The following MEGF11 variants were observed in gnomAD, a reference collection of about 807,000 sequenced individuals.
MEGF11 encodes the protein multiple EGF like domains 11, also known as multiple epidermal growth factor-like domains protein 11.
In MEGF11, 126 loss-of-function variants were observed where a neutral mutation model predicts 146.6. That is an observed-to-expected ratio of 0.86 (90% CI 0.74 to 1.00). The LOEUF (loss-of-function observed/expected upper bound fraction) is 1.00. MEGF11 is among the 50% of genes least tolerant of loss of function. The pLI is 0.00. For synonymous variants in MEGF11, 532 were observed against 583.4 expected, an observed-to-expected ratio of 0.91 and a Z score of 1.27; for missense variants, 1,509 against 1,521.2, an observed-to-expected ratio of 0.99 and a Z score of 0.13.
At position 66,004,400 on chromosome 15, in the gene MEGF11, G is replaced by C. The variant is rs1380669430; in HGVS notation, c.395-21912C>G. Among the ~76,000 whole-genome samples the C allele has an allele frequency of 2.8e-5, 4 of 141,088 alleles. No individual in the cohort carries two copies. In the Admixed American group the frequency reaches 3.0e-4, roughly 11 times the overall value. 92.6% of individuals were successfully genotyped at this position (141,088 alleles called of 152,430 possible). Reference sequence around the variant, plus strand: ...TAATTCAACCAGGGAGGGGCACAGAGGGGGGGCTTCAAGTATTTTTGTAAT... The same window carrying C: ...TAATTCAACCAGGGAGGGGCACAGACGGGGGGCTTCAAGTATTTTTGTAAT... On this transcript the variant is annotated intron_variant, in intron 5 of 25. Coordinates refer to ENST00000395614, the MANE Select transcript of MEGF11 (RefSeq NM_001385028.1).
intron 5 of MEGF11, among the ~76,000 whole-genome samples, chr15:66,005,532 G>A (rs574063707): frequency 9.2e-5 from 14 of 152,334 alleles, no homozygotes; most frequent in Admixed American, 8.5e-4. Context: ...AAAAAGGCAG[G>A]AGTGTGGAGG....
intron 1 of MEGF11, among the ~76,000 whole-genome samples, chr15:66,242,794 T>C (rs2092236280): frequency 6.6e-6 from 1 of 152,110 alleles, no homozygotes; most frequent in South Asian, 2.1e-4. Context: ...AGCCCTTCTC[T>C]CTCCTGCCCT....
intron 10 of MEGF11, among the ~76,000 whole-genome samples, chr15:65,935,962 CTA>C (rs748118323): frequency 7.5e-4 from 114 of 152,312 alleles, no homozygotes; most frequent in Middle Eastern, 3.4e-3. Context: ...TCAGATTAGA[CTA>C]TCAGCTCTGC....
chr15:65,914,132 C>A (rs1204664099), intron 19 of MEGF11, 159 bp from the exon 20 acceptor site: 5 of 611,710 alleles, frequency 8.2e-6, no homozygotes, highest in Non-Finnish European at 1.5e-5. Context: ...CCAGCCCTCA[C>A]TGTGCCTTCA....
At chr15:65,959,633 C>T (rs28493929) in intron 9 of MEGF11, among the ~76,000 whole-genome samples, 33,873 of 151,966 alleles carry the variant, frequency 0.22, 3,973 homozygotes, top group Non-Finnish European at 0.25. Flanking sequence ...ATAATCATAG[C>T]TGTGGAGAAA....
intron 1 of MEGF11, among the ~76,000 whole-genome samples, chr15:66,152,049 G>A (rs1001988354): frequency 3.3e-5 from 5 of 152,230 alleles, no homozygotes; most frequent in African/African-American, 9.6e-5. Flanking sequence ...CCCCAGCCTC[G>A]GCGCCTCTCC....
intron 1 of MEGF11, among the ~76,000 whole-genome samples, chr15:66,150,109 TC>T (rs2089508852): frequency 6.6e-6 from 1 of 152,080 alleles, no homozygotes; most frequent in African/African-American, 2.4e-5. Context: ...CCCAGCCGGC[TC>T]CCCCTTTCAT....
chr15:65,976,268 T>G (rs971659981), intron 7 of MEGF11, among the ~76,000 whole-genome samples: 2 of 152,174 alleles, frequency 1.3e-5, no homozygotes, highest in African/African-American at 2.4e-5. Context: ...CTTGAACTCC[T>G]GACCTCAGGT....
chr15:66,186,256 G>A (rs778433111), intron 1 of MEGF11, among the ~76,000 whole-genome samples: 1 of 152,198 alleles, frequency 6.6e-6, no homozygotes, highest in Admixed American at 6.5e-5. Context: ...CCTGGGGTCT[G>A]GAGTGTGGCC....
chr15:66,084,780 G>A (rs772780514), intron 5 of MEGF11, among the ~76,000 whole-genome samples: 29 of 152,184 alleles, frequency 1.9e-4, no homozygotes, highest in Admixed American at 3.3e-4. Context: ...CAACTTGAAC[G>A]GGGCGAGAAG....
chr15:66,006,689 C>T (rs1169952143), intron 5 of MEGF11, among the ~76,000 whole-genome samples: 1 of 152,208 alleles, frequency 6.6e-6, no homozygotes, highest in African/African-American at 2.4e-5. Context: ...CAGTCTATAT[C>T]CCAGGAATAA....
rs549907471 is a variant in MEGF11 at position 66,123,504 on chromosome 15, A to T, written c.200+395T>A. Among the ~76,000 whole-genome samples the T allele has an allele frequency of 2.6e-5, 4 of 152,334 alleles. No homozygotes were observed. The East Asian group carries it at 7.7e-4, about 29-fold the overall frequency. On this transcript the variant is annotated intron_variant, in intron 3 of 25. Transcript: ENST00000395614. ...GGATGGAAAAGTGAGACAGGGAAGT[A>T]AAGGCAGCCAATCTATGGTATATTA...
chr15:66,015,157 G>A (rs1327164111), intron 5 of MEGF11, among the ~76,000 whole-genome samples: 1 of 152,196 alleles, frequency 6.6e-6, no homozygotes, highest in African/African-American at 2.4e-5. Flanking sequence ...CTGTGGACCA[G>A]GGAGCCACAC....
At chr15:66,119,553 G>C (rs911505672) in intron 3 of MEGF11, among the ~76,000 whole-genome samples, 1 of 152,162 alleles carries the variant, frequency 6.6e-6, no homozygotes, top group Non-Finnish European at 1.5e-5. Context: ...CTGGATAGGA[G>C]TCAGGCCCTG....
At chr15:66,189,631 C>T (rs970082607) in intron 1 of MEGF11, among the ~76,000 whole-genome samples, 7 of 152,148 alleles carry the variant, frequency 4.6e-5, no homozygotes, top group African/African-American at 9.7e-5. Context: ...CTCATCCTGC[C>T]TCTGCTGCTT....
intron 1 of MEGF11, among the ~76,000 whole-genome samples, chr15:66,230,432 T>A (rs1022247278): frequency 3.9e-5 from 6 of 152,170 alleles, no homozygotes; most frequent in African/African-American, 1.4e-4. Context: ...GTCTATAATA[T>A]CCACATTACT....
chr15:66,135,481 G>T (rs571563618), intron 1 of MEGF11, among the ~76,000 whole-genome samples: 1 of 152,244 alleles, frequency 6.6e-6, no homozygotes, highest in Non-Finnish European at 1.5e-5. Context: ...GGTGGGAATG[G>T]CTAGGAGAGG....
chr15:66,164,006 C>A (rs1300424111), intron 1 of MEGF11, among the ~76,000 whole-genome samples: 3 of 152,220 alleles, frequency 2.0e-5, no homozygotes, highest in Non-Finnish European at 4.4e-5. Flanking sequence ...AAACCTCCCT[C>A]CTTCCAGTCC....
At chr15:66,177,185 G>A (rs973296203) in intron 1 of MEGF11, among the ~76,000 whole-genome samples, 1 of 152,094 alleles carries the variant, frequency 6.6e-6, no homozygotes. Context: ...TATATGGCTG[G>A]GAAAATCCCC....
Sources: allele counts gnomAD v4.1 joint callset (sites outside exome capture counted in the v4.1 genomes callset), GRCh38; gene constraint gnomAD v4.1.1; transcripts MANE v1.5; gene names NCBI Gene and HGNC (gene_info 2026-07-23, HGNC 2026-07-21).